The following CNTN3 variants were observed in gnomAD, a reference collection of about 807,000 sequenced individuals.
CNTN3 encodes the protein contactin-3.
CNTN3 carries 60 observed loss-of-function variants against 119.1 expected under a neutral mutation model. The observed-to-expected ratio is 0.50, with a 90% CI of 0.41 to 0.62. CNTN3 has a LOEUF of 0.62. CNTN3 is among the 20% of genes least tolerant of loss of function. CNTN3 has a pLI of 0.00. For missense variants in CNTN3, 1,101 were observed against 1,242.4 expected (o/e 0.89, Z 1.71); for synonymous variants, 450 against 438.7 (o/e 1.03, Z -0.32).
At chr3:74,538,269 G>GTA (rs930405608) in intron 1 of CNTN3, among the ~76,000 whole-genome samples, 3 of 152,078 alleles carry the variant, frequency 2.0e-5, no homozygotes, top group Non-Finnish European at 4.4e-5. Context: ...AGATTAATTA[G>GTA]TAACTGTTTG....
chr3:74,288,159 C>CTTTTCT (rs1487942663), intron 19 of CNTN3, among the ~76,000 whole-genome samples: 4 of 90,374 alleles, frequency 4.4e-5, no homozygotes, highest in African/African-American at 1.3e-4. Flanking sequence ...CTTTTCTTTT[C>CTTTTCT]TTTTTTTTTT....
intron 1 of CNTN3, among the ~76,000 whole-genome samples, chr3:74,587,875 T>G (rs930510841): frequency 3.3e-5 from 5 of 152,316 alleles, no homozygotes; most frequent in East Asian, 3.9e-4. Context: ...CTTGTGCCAG[T>G]TTTCAAAGGG....
chr3:74,322,375 A>T (rs1703016899), intron 13 of CNTN3, among the ~76,000 whole-genome samples: 1 of 152,188 alleles, frequency 6.6e-6, no homozygotes, highest in African/African-American at 2.4e-5. Context: ...CTATATGCAG[A>T]TGGCAAGTAA....
rs71129755 is a variant in CNTN3 at position 74,460,772 on chromosome 3, C to CATAT, written c.358+25680_358+25683dup. ...TAGAGATAGTTTTATTTCTTATTTT[C>CATAT]ATATATATATATATATATATATATA... On this transcript the variant is annotated intron_variant, in intron 4 of 22. Coordinates refer to ENST00000263665, the MANE Select transcript of CNTN3 (RefSeq NM_020872.3). 3.7e-4 allele frequency among the ~76,000 whole-genome samples: 33 copies of CATAT among 89,462 alleles called. 1 individual carries two copies. Among genetic ancestry groups the CATAT allele is most frequent in the Non-Finnish European group, 5.7e-4 (25 of 44,182 alleles). 58.7% of individuals were successfully genotyped at this position (89,462 alleles called of 152,430 possible).
chr3:74,383,868 T>C (rs1053829198), intron 5 of CNTN3, among the ~76,000 whole-genome samples: 3 of 152,194 alleles, frequency 2.0e-5, no homozygotes, highest in Admixed American at 6.5e-5. Context: ...ATTGGCTTCA[T>C]TGTGATTTTC....
At chr3:74,409,287 C>T (rs1383402845) in intron 5 of CNTN3, among the ~76,000 whole-genome samples, 1 of 152,186 alleles carries the variant, frequency 6.6e-6, no homozygotes, top group Non-Finnish European at 1.5e-5. Context: ...CCCACTGAAT[C>T]ATATCCAGAT....
chr3:74,565,333 C>T (rs150616251), intron 1 of CNTN3, among the ~76,000 whole-genome samples: 9 of 152,260 alleles, frequency 5.9e-5, no homozygotes, highest in Non-Finnish European at 1.2e-4. Flanking sequence ...CTTGTGGCCC[C>T]TTCCTCCATT....
At chr3:74,302,573 G>T in intron 14 of CNTN3, 117 bp downstream of exon 14, 1 of 660,132 alleles carries the variant, frequency 1.5e-6, no homozygotes, top group African/African-American at 1.8e-5. Flanking sequence ...TATGAGGGGG[G>T]ATGAAATCAA....
At chr3:74,267,222 T>C (rs1371271797) in intron 21 of CNTN3, 44 bp downstream of exon 21, 2 of 1,233,884 alleles carry the variant, frequency 1.6e-6, no homozygotes, top group Non-Finnish European at 2.4e-6. Flanking sequence ...TGAAAAGTAC[T>C]GCCAAAATTA....
At chr3:74,462,877 T>C (rs2106978682) in intron 4 of CNTN3, among the ~76,000 whole-genome samples, 1 of 152,278 alleles carries the variant, frequency 6.6e-6, no homozygotes, top group African/African-American at 2.4e-5. Flanking sequence ...GCAGAAACAA[T>C]CAGCATCTCT....
intron 11 of CNTN3, among the ~76,000 whole-genome samples, chr3:74,351,546 A>G (rs1160102789): frequency 1.3e-5 from 2 of 152,186 alleles, no homozygotes; most frequent in Non-Finnish European, 2.9e-5. Context: ...TGCCCTTTCC[A>G]TATGCTAAAA....
rs568606146 is a variant in CNTN3 at position 74,546,783 on chromosome 3, T to C, written c.-80-25591A>G. The stretch of plus-strand genomic sequence containing the variant: ...CCTATTGTGGGACTTCACTTTGTGA[T>C]TGTGTGAGTCAATACTGCTTAATAA... On this transcript the variant is annotated intron_variant, in intron 1 of 22. Transcript: ENST00000263665. 3.0e-4 allele frequency among the ~76,000 whole-genome samples: 45 copies of C among 152,310 alleles called. 1 individual carries two copies. The South Asian group carries it at 6.8e-3, about 23-fold the overall frequency.
chr3:74,557,049 C>A (rs766265530), intron 1 of CNTN3, among the ~76,000 whole-genome samples: 1 of 152,100 alleles, frequency 6.6e-6, no homozygotes, highest in Non-Finnish European at 1.5e-5. Context: ...TTACCAGATA[C>A]ATAATTTATA....
intron 4 of CNTN3, among the ~76,000 whole-genome samples, chr3:74,470,075 G>C (rs1702532396): frequency 6.6e-6 from 1 of 152,072 alleles, no homozygotes; most frequent in African/African-American, 2.4e-5. Flanking sequence ...CCTTACAACA[G>C]TCATCAAAGA....
At chr3:74,596,186 A>G (rs1704806233) in intron 1 of CNTN3, among the ~76,000 whole-genome samples, 1 of 152,132 alleles carries the variant, frequency 6.6e-6, no homozygotes, top group Non-Finnish European at 1.5e-5. Flanking sequence ...GAAATAAAAG[A>G]CGATACAAAC....
intron 4 of CNTN3, among the ~76,000 whole-genome samples, chr3:74,459,022 G>A (rs377732377): frequency 2.0e-5 from 3 of 151,934 alleles, no homozygotes; most frequent in African/African-American, 7.2e-5. Flanking sequence ...ATGAAAGACT[G>A]CTAGAATTAC....
chr3:74,424,671 T>C (rs1258511177), intron 5 of CNTN3, among the ~76,000 whole-genome samples, 174 bp downstream of exon 5: 1 of 152,232 alleles, frequency 6.6e-6, no homozygotes, highest in Non-Finnish European at 1.5e-5. Context: ...TAGAAACCTC[T>C]CTGGATGGAC....
intron 13 of CNTN3, among the ~76,000 whole-genome samples, chr3:74,310,243 T>C (rs1224465158): frequency 1.3e-5 from 2 of 152,216 alleles, no homozygotes; most frequent in East Asian, 1.9e-4. Flanking sequence ...TAAAGAGCCA[T>C]TGTTTCATAG....
At chr3:74,284,248 A>G (rs1413069351) in intron 20 of CNTN3, among the ~76,000 whole-genome samples, 1 of 152,212 alleles carries the variant, frequency 6.6e-6, no homozygotes, top group East Asian at 1.9e-4. Context: ...TGGAAATGAT[A>G]TGGAAACAGA....
Sources: allele counts gnomAD v4.1 joint callset (sites outside exome capture counted in the v4.1 genomes callset), GRCh38; gene constraint gnomAD v4.1.1; transcripts MANE v1.5; gene names NCBI Gene and HGNC (gene_info 2026-07-23, HGNC 2026-07-21).